Variants in PRUNE1 observed in about 807,000 individuals in gnomAD.
PRUNE1 encodes prune exopolyphosphatase 1.
PRUNE1 carries 25 observed loss-of-function variants against 42.5 expected under a neutral mutation model. That is an observed-to-expected ratio of 0.59 (90% confidence interval 0.43 to 0.82). The LOEUF (loss-of-function observed/expected upper bound fraction) is 0.82, where lower values mean the gene tolerates loss of function less well. PRUNE1 is among the 40% of genes least tolerant of loss of function. The pLI, the probability that PRUNE1 is intolerant of heterozygous loss-of-function variation, is 0.00. For synonymous variants in PRUNE1, 203 were observed against 217.1 expected (o/e 0.93, Z 0.57); for missense variants, 443 against 539.3 (o/e 0.82, Z 1.77).
chr1:151,024,902 C>T (rs1283778042), intron 4 of PRUNE1, 107 bp downstream of exon 4: 1 of 1,133,730 alleles, frequency 8.8e-7, no homozygotes, highest in Admixed American at 2.7e-5. Flanking sequence ...CTCTCAGAGC[C>T]ATTCAGCTCA....
chr1:151,010,671 A>AT (rs35204921), intron 1 of PRUNE1, among the ~76,000 whole-genome samples: 95,433 of 135,362 alleles, frequency 0.71, 34,560 homozygotes, highest in South Asian at 0.8. Flanking sequence ...AATTGCTTTA[A>AT]TTTTTTTTTT....
chr1:151,009,093 A>C (rs1022661401), intron 1 of PRUNE1, among the ~76,000 whole-genome samples: 1 of 151,900 alleles, frequency 6.6e-6, no homozygotes, highest in Non-Finnish European at 1.5e-5. Flanking sequence ...CGCTTGGCCC[A>C]CTGGCCTCCA....
chr1:151,029,991 C>T (rs1039532030), intron 7 of PRUNE1, among the ~76,000 whole-genome samples: 5 of 151,558 alleles, frequency 3.3e-5, no homozygotes, highest in South Asian at 2.1e-4. Flanking sequence ...AGGCTGGGTG[C>T]GGTGGCTCAC....
intron 1 of PRUNE1, among the ~76,000 whole-genome samples, chr1:151,012,222 A>G (rs944766188): frequency 1.3e-5 from 2 of 152,104 alleles, no homozygotes; most frequent in African/African-American, 4.8e-5. Context: ...TCTTTCTCTG[A>G]TGGTCAGAAA....
intron 1 of PRUNE1, among the ~76,000 whole-genome samples, chr1:151,013,188 C>T (rs1673884367): frequency 6.6e-6 from 1 of 152,198 alleles, no homozygotes. Context: ...TGCATTCAAA[C>T]AGAGAACAAA....
intron 7 of PRUNE1, 99 bp from the exon 8 acceptor site, chr1:151,033,707 A>C: frequency 7.9e-7 from 1 of 1,263,672 alleles, no homozygotes; most frequent in Non-Finnish European, 1.1e-6. Flanking sequence ...CTTACTTTTT[A>C]AAAGCTTCCT....
chr1:151,026,595 T>C (rs1674852600), intron 5 of PRUNE1, among the ~76,000 whole-genome samples: 1 of 152,090 alleles, frequency 6.6e-6, no homozygotes, highest in Non-Finnish European at 1.5e-5. Flanking sequence ...AGAAATATTT[T>C]GTGAGTAAAC....
chr1:151,034,468 CCTCT>C lies in PRUNE1; in HGVS notation c.*239_*242del, dbSNP rs1360552881. The C allele has an allele frequency of 2.8e-5, 14 of 507,140 alleles. No homozygotes were observed. Among genetic ancestry groups the C allele is most frequent in the African/African-American group, 1.9e-4 (10 of 52,404 alleles). 31.4% of individuals were successfully genotyped at this position (507,140 alleles called of 1,614,324 possible). On this transcript the variant is annotated 3_prime_UTR_variant, in exon 8 of 8. Transcript: ENST00000271620. ...ACACATTTTATTATTTAAATCTGCA[CCTCT>C]CTCTATTTTATTTGCCAGGGGCACG...
intron 7 of PRUNE1, among the ~76,000 whole-genome samples, chr1:151,032,566 T>C (rs587627233): frequency 3.3e-5 from 5 of 151,496 alleles, no homozygotes; most frequent in African/African-American, 1.2e-4. Flanking sequence ...ATACAAACAT[T>C]AGCCAGGCTG....
chr1:151,021,942 A>G (rs904257183), intron 3 of PRUNE1, among the ~76,000 whole-genome samples: 1 of 150,642 alleles, frequency 6.6e-6, no homozygotes, highest in Non-Finnish European at 1.5e-5. Context: ...TGCTGGGATT[A>G]CAGGTATGAG....
chr1:151,018,400 G>A (rs778713132), intron 2 of PRUNE1, 67 bp from the exon 3 acceptor site: 3 of 1,343,128 alleles, frequency 2.2e-6, no homozygotes, highest in Admixed American at 1.7e-5. Flanking sequence ...TTTGGTCCCA[G>A]TAGTCTTGTT....
At chr1:151,022,488 G>A (rs925572672) in intron 3 of PRUNE1, among the ~76,000 whole-genome samples, 4 of 150,010 alleles carry the variant, frequency 2.7e-5, no homozygotes, top group African/African-American at 9.8e-5. Context: ...GCGCGATCTC[G>A]GCTCACTGCA....
chr1:151,027,847 G>C (rs971768343), intron 6 of PRUNE1, among the ~76,000 whole-genome samples: 1 of 151,774 alleles, frequency 6.6e-6, no homozygotes, highest in African/African-American at 2.4e-5. Flanking sequence ...TCAAACTCCT[G>C]GCCTCAAGCA....
intron 1 of PRUNE1, among the ~76,000 whole-genome samples, chr1:151,017,110 A>T (rs1470989088): frequency 6.6e-6 from 1 of 151,466 alleles, no homozygotes; most frequent in African/African-American, 2.4e-5. Context: ...AAAAAAAAAA[A>T]GTATAAGCAT....
Position 151,008,943 on chromosome 1 carries a change from C to T in PRUNE1, c.39+272C>T, listed in dbSNP as rs1673556349. ...CGGGGAGAAGTCTTGGGTCTGAATC[C>T]TGCATTTGAGCCTCTGCTTGCTGTC... On this transcript the variant is annotated intron_variant, in intron 1 of 7. Coordinates refer to ENST00000271620, the MANE Select transcript of PRUNE1 (RefSeq NM_021222.3). 5 of 620,088 alleles carry T rather than the reference C, an allele frequency of 8.1e-6. 1 individual carries two copies. Among genetic ancestry groups the T allele is most frequent in the South Asian group, 6.1e-5 (4 of 66,034 alleles). The allele number at this position is 620,088 out of a possible 1,614,324, so 38.4% of individuals were successfully genotyped here.
intron 1 of PRUNE1, among the ~76,000 whole-genome samples, chr1:151,016,714 T>C (rs6659770): frequency 0.73 from 110,418 of 150,674 alleles, 40,654 homozygotes; most frequent in East Asian, 0.88. Flanking sequence ...ATTGGTTAGG[T>C]TGGTCTCAAA....
At chr1:151,009,749 T>G (rs1316945343) in intron 1 of PRUNE1, among the ~76,000 whole-genome samples, 4 of 152,208 alleles carry the variant, frequency 2.6e-5, no homozygotes, top group Non-Finnish European at 5.9e-5. Context: ...GGGGAGAAGG[T>G]CCATTTTAAC....
intron 1 of PRUNE1, chr1:151,008,882 GT>G (rs1282937006): frequency 1.4e-5 from 10 of 712,460 alleles, no homozygotes; most frequent in Middle Eastern, 2.3e-4. Flanking sequence ...CAGTCTCCCG[GT>G]TTTTGGCTCC....
intron 1 of PRUNE1, among the ~76,000 whole-genome samples, chr1:151,016,373 A>T (rs1674103800): frequency 6.6e-6 from 1 of 152,216 alleles, no homozygotes; most frequent in African/African-American, 2.4e-5. Context: ...TGGGTTAAAG[A>T]TTAAATGATT....
Sources: allele counts gnomAD v4.1 joint callset (sites outside exome capture counted in the v4.1 genomes callset), GRCh38; gene constraint gnomAD v4.1.1; transcripts MANE v1.5; gene names NCBI Gene and HGNC (gene_info 2026-07-23, HGNC 2026-07-21).